TACC2: variants seen among roughly 807,000 people sequenced by gnomAD.
TACC2 encodes transforming acidic coiled-coil containing protein 2.
Under a neutral mutation model 227.3 loss-of-function variants are expected in TACC2, and 137 were observed. That is an observed-to-expected ratio of 0.60 (90% confidence interval 0.52 to 0.69). The LOEUF is 0.69. Ranked by LOEUF, TACC2 falls within the 30% of genes least tolerant of loss-of-function variation. The pLI is 0.00. For synonymous variants in TACC2, 1,523 were observed against 1,487.5 expected, an observed-to-expected ratio of 1.02 and a Z score of -0.55; for missense variants, 3,470 against 3,694.4, an observed-to-expected ratio of 0.94 and a Z score of 1.57.
At chr10:122,069,393 C>A (rs990232581) in intron 3 of TACC2, among the ~76,000 whole-genome samples, 2 of 152,138 alleles carry the variant, frequency 1.3e-5, no homozygotes, top group African/African-American at 4.8e-5. Flanking sequence ...AGGTGCCCAC[C>A]ACTACGCCCG....
intron 7 of TACC2, among the ~76,000 whole-genome samples, chr10:122,164,511 A>G (rs1022961496): frequency 6.6e-6 from 1 of 152,186 alleles, no homozygotes; most frequent in African/African-American, 2.4e-5. Flanking sequence ...GCCGCTTGCT[A>G]TTATTAGTAA....
intron 8 of TACC2, among the ~76,000 whole-genome samples, chr10:122,199,172 T>A (rs972067210): frequency 2.0e-5 from 3 of 152,302 alleles, no homozygotes; most frequent in Middle Eastern, 3.4e-3. Flanking sequence ...CAGGACATGG[T>A]CCCCAGGCAC....
intron 8 of TACC2, among the ~76,000 whole-genome samples, chr10:122,201,117 ACGGCCACC>A (rs2140794421): frequency 2.7e-5 from 4 of 146,506 alleles, no homozygotes; most frequent in Admixed American, 2.7e-4. Context: ...CAGTGAGAGG[ACGGCCACC>A]TCACCTGCCC....
intron 9 of TACC2, 44 bp downstream of exon 9, chr10:122,211,752 C>A (rs778853661): frequency 1.3e-6 from 2 of 1,491,096 alleles, no homozygotes; most frequent in South Asian, 1.4e-5. Flanking sequence ...GGCGGGGGTG[C>A]GCATTGGCTG....
chr10:122,075,291 T>C (rs76203107), intron 3 of TACC2, among the ~76,000 whole-genome samples: 1,767 of 151,950 alleles, frequency 0.012, 27 homozygotes, highest in African/African-American at 0.04. Context: ...CCCCGAACCA[T>C]CCTTCCCCAC....
intron 3 of TACC2, among the ~76,000 whole-genome samples, chr10:122,074,183 C>T (rs754898801): frequency 1.7e-4 from 25 of 150,598 alleles, no homozygotes; most frequent in Non-Finnish European, 3.1e-4. Context: ...CAAGTTCAAG[C>T]GATTCTCCTG....
chr10:122,031,055 T>A (rs1451280149), intron 2 of TACC2, among the ~76,000 whole-genome samples: 3 of 152,200 alleles, frequency 2.0e-5, no homozygotes, highest in Admixed American at 2.0e-4. Context: ...ACACTATGTT[T>A]AATTAATTAA....
At chr10:122,063,311 C>G (rs2077037822) in intron 3 of TACC2, among the ~76,000 whole-genome samples, 1 of 152,228 alleles carries the variant, frequency 6.6e-6, no homozygotes, top group Non-Finnish European at 1.5e-5. Flanking sequence ...TCCCAGGCTC[C>G]TGCCCAGCCA....
intron 7 of TACC2, among the ~76,000 whole-genome samples, chr10:122,191,351 A>G (rs1398882508): frequency 1.3e-5 from 2 of 152,188 alleles, no homozygotes; most frequent in African/African-American, 2.4e-5. Context: ...ACATAACAGT[A>G]TATTCAACAA....
chr10:122,078,083 CACTCGGGA>C (rs2079022800), intron 3 of TACC2, among the ~76,000 whole-genome samples: 1 of 151,306 alleles, frequency 6.6e-6, no homozygotes, highest in South Asian at 2.1e-4. Context: ...TAGTCCAGGC[CACTCGGGA>C]GACTGAGGCA....
rs866097844 is a variant in TACC2, at chr10:122,194,773, G to A, written c.5835-267G>A. On this transcript the variant is annotated intron_variant, in intron 7 of 22. Coordinates refer to ENST00000369005, the MANE Select transcript of TACC2 (RefSeq NM_206862.4). The surrounding 1 kb of genome is among the most constrained non-coding windows in gnomAD (Gnocchi z 4.4). ...TGCGGAAGTTCATCCAGAGTCCGCT[G>A]TGTGTGTATTTGCCACTAAGGCGAG... 7.9e-5 allele frequency among the ~76,000 whole-genome samples: 12 copies of A among 152,352 alleles called. No homozygotes were observed. The highest frequency in any genetic ancestry group is 2.9e-4 in the African/African-American group (12 of 41,582).
chr10:122,210,199 G>C lies in TACC2; in HGVS notation c.5972-198G>C. 1.6e-6 allele frequency: 1 copy of C among 613,520 alleles called. No individual in the cohort carries two copies. Among genetic ancestry groups the C allele is most frequent in the Non-Finnish European group, 3.0e-6 (1 of 335,424 alleles). 38.0% of individuals were successfully genotyped at this position (613,520 alleles called of 1,614,324 possible). ...CATTGTACAGATGAGGGAACTCTGG[G>C]CGAACCTGGCCTGGGTCTTGAGCTA... On this transcript the variant is annotated intron_variant, in intron 8 of 22. Transcript: ENST00000369005. This position sits in a 1 kb window ranked among gnomAD's most constrained non-coding sequence, Gnocchi z 4.6.
chr10:122,109,079 T>C (rs1390800966), intron 5 of TACC2, among the ~76,000 whole-genome samples: 3 of 152,226 alleles, frequency 2.0e-5, no homozygotes, highest in Admixed American at 2.0e-4. Flanking sequence ...TTGAGCTGGT[T>C]TCATATTTTT....
chr10:122,234,808 GT>G (rs1411502253), intron 16 of TACC2, among the ~76,000 whole-genome samples: 1 of 151,902 alleles, frequency 6.6e-6, no homozygotes, highest in Non-Finnish European at 1.5e-5. Context: ...GTCATATTTA[GT>G]TTCTGCCCAC....
chr10:122,251,361 T>C (rs2096251441), intron 22 of TACC2, among the ~76,000 whole-genome samples: 1 of 152,180 alleles, frequency 6.6e-6, no homozygotes, highest in Non-Finnish European at 1.5e-5. Context: ...CTTAGCAGTA[T>C]CCTCAGAACG....
At chr10:122,177,583 AT>A (rs2093779952) in intron 7 of TACC2, among the ~76,000 whole-genome samples, 1 of 152,156 alleles carries the variant, frequency 6.6e-6, no homozygotes, top group South Asian at 2.1e-4. Context: ...TGTCTCTAAA[AT>A]AATAAAATGA....
In TACC2 at chr10:122,019,110, G is replaced by A. The variant is rs533619436; in HGVS notation, c.-45-2827G>A. ...GCGGACAGCCGGAGGCTGCGGGGCC[G>A]GAGGGTCTTTGGGTCGGTACTCTGC... On this transcript the variant is annotated intron_variant, in intron 1 of 22. Coordinates refer to ENST00000369005, the MANE Select transcript of TACC2 (RefSeq NM_206862.4). 4.6e-5 allele frequency among the ~76,000 whole-genome samples: 7 copies of A among 152,318 alleles called. No homozygotes were observed. In the South Asian group the frequency reaches 1.4e-3, roughly 32 times the overall value.
At chr10:122,162,298 C>T (rs1179031591) in intron 7 of TACC2, among the ~76,000 whole-genome samples, 1 of 152,204 alleles carries the variant, frequency 6.6e-6, no homozygotes, top group Non-Finnish European at 1.5e-5. Flanking sequence ...AAGAGCCCAT[C>T]CAAACATCCT....
At position 122,145,185 on chromosome 10, in the gene TACC2, T is replaced by C. The variant is rs1592576286; in HGVS notation, c.5834+1479T>C. On this transcript the variant is annotated intron_variant, in intron 7 of 22. Transcript: ENST00000369005. The stretch of plus-strand genomic sequence containing the variant: ...GCAATCCCATTTTTAGATATTTACC[T>C]ATGAACGATGAAAATATATGTCTAC... 2.0e-5 allele frequency among the ~76,000 whole-genome samples: 3 copies of C among 152,362 alleles called. No individual in the cohort carries two copies. In the South Asian group the frequency reaches 6.2e-4, roughly 32 times the overall value.
Sources: allele counts gnomAD v4.1 joint callset (sites outside exome capture counted in the v4.1 genomes callset), GRCh38; gene constraint gnomAD v4.1.1; non-coding constraint Gnocchi (gnomAD v3.1); transcripts MANE v1.5; gene names NCBI Gene and HGNC (gene_info 2026-07-23, HGNC 2026-07-21).